The following ZNF99 variants were observed in gnomAD, a reference collection of about 807,000 sequenced individuals.
ZNF99 encodes the protein zinc finger protein 99.
A neutral mutation model predicts 12.8 loss-of-function variants in ZNF99; 8 were observed. The ratio of observed to expected loss-of-function variants is 0.62; its 90% CI spans 0.37 to 1.13. The LOEUF is 1.13. ZNF99 is among the 50% of genes most tolerant of loss of function. The pLI, the probability that ZNF99 is intolerant of heterozygous loss-of-function variation, is 0.02. For synonymous variants in ZNF99, 318 were observed against 319.0 expected, an observed-to-expected ratio of 1.00 and a Z score of 0.03; for missense variants, 1,007 against 1,006.2, an observed-to-expected ratio of 1.00 and a Z score of -0.01.
intron 1 of ZNF99, among the ~76,000 whole-genome samples, chr19:22,780,518 C>T: frequency 6.6e-6 from 1 of 151,702 alleles, no homozygotes; most frequent in East Asian, 1.9e-4. Flanking sequence ...CATGGAGAAA[C>T]CCCCGTCTCT....
At chr19:22,760,268 G>A in intron 3 of ZNF99, among the ~76,000 whole-genome samples, 1 of 152,180 alleles carries the variant, frequency 6.6e-6, no homozygotes, top group East Asian at 1.9e-4. Context: ...ACTCCAGCCA[G>A]CGTGACACAG....
rs376059510 is a variant in ZNF99, at chr19:22,756,616, C to T, written c.*698G>A. 1.4e-5 allele frequency: 23 copies of T among 1,596,928 alleles called. 3 individuals are homozygous for T. In the African/African-American group the frequency reaches 2.7e-4, roughly 19 times the overall value. ...CTTAAAAGCTTTGCCACATTCTTCACATTTGTACGGTTTCTCCCCAGTATG... is the reference window on the plus strand; with the variant it reads ...CTTAAAAGCTTTGCCACATTCTTCATATTTGTACGGTTTCTCCCCAGTATG... On this transcript the variant is annotated 3_prime_UTR_variant, in exon 4 of 4. Transcript: ENST00000596209.
rs770691108 is a variant in ZNF99 at position 22,757,725 on chromosome 19, A to G, written c.2184T>C (p.Thr728=). The G allele has an allele frequency of 1.2e-6, 2 of 1,612,360 alleles. No homozygotes were observed. The highest frequency in any genetic ancestry group is 1.7e-6 in the Non-Finnish European group (2 of 1,179,692). ...CTTCACATTTGTAGGGTTTCTCTCC[A>G]GTATGAATTATCTCATGTTTTCTAA... ...STLRKHEIIH[T]GEKPYKCEEC... is the part of the protein sequence containing the mutation. Residue 728 remains threonine, a synonymous_variant, in exon 4 of 4, where the codon ACT becomes ACC. Transcript: ENST00000596209.
Position 22,756,568 on chromosome 19 carries a change from T to C in ZNF99, c.*746A>G. On this transcript the variant is annotated 3_prime_UTR_variant, in exon 4 of 4. Coordinates refer to ENST00000596209, the MANE Select transcript of ZNF99 (RefSeq NM_001080409.3). Reference sequence around the variant, plus strand: ...TTTCTCTCCAGTATGAATTGATTTATGTTTAGTAAGGTGTGAGGATTGCTT... The same window carrying C: ...TTTCTCTCCAGTATGAATTGATTTACGTTTAGTAAGGTGTGAGGATTGCTT... 6.3e-7 allele frequency: 1 copy of C among 1,599,480 alleles called. No individual in the cohort carries two copies. The highest frequency in any genetic ancestry group is 8.5e-7 in the Non-Finnish European group (1 of 1,176,206).
In ZNF99 at chr19:22,769,846, C is replaced by T. The variant is rs916004017; in HGVS notation, c.4-522G>A. ...GAGAAAAAAAGAATGGCAGAAGATC[C>T]ACAACACCAGCACAGACAAGATACT... On this transcript the variant is annotated intron_variant, in intron 1 of 3. Coordinates refer to ENST00000596209, the MANE Select transcript of ZNF99 (RefSeq NM_001080409.3). 5 of 1,309,258 alleles carry T rather than the reference C, an allele frequency of 3.8e-6. No homozygotes were observed. The African/African-American group carries it at 7.8e-5, about 20-fold the overall frequency. The allele number at this position is 1,309,258 out of a possible 1,614,324, so 81.1% of individuals were successfully genotyped here. A position where few individuals can be genotyped will look rare whatever the true frequency, so the allele number is the denominator to read the frequency against.
intron 1 of ZNF99, among the ~76,000 whole-genome samples, chr19:22,776,042 AC>A (rs1231047436): frequency 1.3e-5 from 2 of 151,048 alleles, no homozygotes; most frequent in African/African-American, 4.9e-5. Flanking sequence ...ACAAAACATA[AC>A]AAAAACCTAG....
chr19:22,761,105 A>G (rs1360342453), intron 3 of ZNF99, among the ~76,000 whole-genome samples: 1 of 151,932 alleles, frequency 6.6e-6, no homozygotes, highest in African/African-American at 2.4e-5. Flanking sequence ...AAAAGTATAA[A>G]ATTTTTGGAA....
At chr19:22,769,093 G>A in intron 2 of ZNF99, 105 bp downstream of exon 2, 1 of 1,256,136 alleles carries the variant, frequency 8.0e-7, no homozygotes, top group East Asian at 2.9e-5. Flanking sequence ...ACGGGTATCT[G>A]AAACTTATTT....
At chr19:22,767,713 G>A (rs6511381) in intron 3 of ZNF99, among the ~76,000 whole-genome samples, 53,574 of 151,970 alleles carry the variant, frequency 0.35, 9,984 homozygotes, top group African/African-American at 0.5. Flanking sequence ...AATTCATATA[G>A]AAGATTAAGA....
In ZNF99 at chr19:22,756,769, T is replaced by C. The variant is rs527738640; in HGVS notation, c.*545A>G. On this transcript the variant is annotated 3_prime_UTR_variant, in exon 4 of 4. Transcript: ENST00000596209. ...AAGGGTTGAGGAATTGTTAAAAGCT[T>C]TGCCACATTCTTCACATTTGTAGGG... The C allele has an allele frequency of 6.2e-7, 1 of 1,612,090 alleles. No individual in the cohort carries two copies. Among genetic ancestry groups the C allele is most frequent in the Non-Finnish European group, 8.5e-7 (1 of 1,179,228 alleles).
rs8103322 is a variant in ZNF99 at position 22,753,817 on chromosome 19, T to C, written c.*3497A>G. 43 of 235,140 alleles carry C rather than the reference T, an allele frequency of 1.8e-4. No homozygotes were observed. Among genetic ancestry groups the C allele is most frequent in the African/African-American group, 9.8e-4 (43 of 43,720 alleles). The allele number at this position is 235,140 out of a possible 1,614,324, so 14.6% of individuals were successfully genotyped here. A position where few individuals can be genotyped will look rare whatever the true frequency, so the allele number is the denominator to read the frequency against. On this transcript the variant is annotated 3_prime_UTR_variant, in exon 4 of 4. Coordinates refer to ENST00000596209, the MANE Select transcript of ZNF99 (RefSeq NM_001080409.3). Reference sequence around the variant, plus strand: ...TTTTTCAAGTATAAATGCTTTCCTATGCGATAAGGTGTGAGTATTGGTTAA... The same window carrying C: ...TTTTTCAAGTATAAATGCTTTCCTACGCGATAAGGTGTGAGTATTGGTTAA...
chr19:22,756,316 T>G lies in ZNF99; in HGVS notation c.*998A>C. 6.4e-7 allele frequency: 1 copy of G among 1,567,076 alleles called. No homozygotes were observed. Among genetic ancestry groups the G allele is most frequent in the Non-Finnish European group, 8.7e-7 (1 of 1,155,742 alleles). On this transcript the variant is annotated 3_prime_UTR_variant, in exon 4 of 4. Transcript: ENST00000596209. ...AGGTTTTCCCTCCAGTATGAATTGT[T>G]TTATGTTGAGTAAGGTGTGAGGACT... is the stretch of plus-strand genomic sequence containing the variant.
rs1973123356 is a variant in ZNF99, at chr19:22,759,314, T to C, written c.595A>G (p.Asn199Asp). Residue 199 changes from asparagine (N) to aspartate (D), a missense_variant, in exon 4 of 4, where the codon AAT becomes GAT. Coordinates refer to ENST00000596209, the MANE Select transcript of ZNF99 (RefSeq NM_001080409.3). Reference protein sequence around the residue: ...IQHKRIHTRENIYKCEERGKA... With the variant: ...IQHKRIHTREDIYKCEERGKA... ...CCACGTTCTTCACATTTGTAGATAT[T>C]CTCTCTAGTATGAATTCTCTTATGT... 3 of 1,549,248 alleles carry C rather than the reference T, an allele frequency of 1.9e-6. No homozygotes were observed. The South Asian group carries it at 3.6e-5, about 18-fold the overall frequency.
Position 22,755,117 on chromosome 19 carries a change from C to A in ZNF99, c.*2197G>T. The A allele has an allele frequency of 5.5e-6, 1 of 183,060 alleles. No individual in the cohort carries two copies. Among genetic ancestry groups the A allele is most frequent in the Admixed American group, 5.7e-5 (1 of 17,534 alleles). The allele number at this position is 183,060 out of a possible 1,614,324, so 11.3% of individuals were successfully genotyped here. ...ATTGAAGAATGCTTATGGCATTATT[C>A]ACATTTGTAGGGTTTCTCTCCCATT... On this transcript the variant is annotated 3_prime_UTR_variant, in exon 4 of 4. Coordinates refer to ENST00000596209, the MANE Select transcript of ZNF99 (RefSeq NM_001080409.3).
chr19:22,757,271 T>C lies in ZNF99; in HGVS notation c.*43A>G. ...AAGGGTTGAGGAATTGTTAAAAGCT[T>C]TGCCACATTCTTCACATTTGTAGGG... On this transcript the variant is annotated 3_prime_UTR_variant, in exon 4 of 4. Coordinates refer to ENST00000596209, the MANE Select transcript of ZNF99 (RefSeq NM_001080409.3). The C allele has an allele frequency of 1.2e-6, 2 of 1,611,380 alleles. No individual in the cohort carries two copies. The highest frequency in any genetic ancestry group is 1.7e-6 in the Non-Finnish European group (2 of 1,178,378).
In ZNF99 at chr19:22,754,334, T is replaced by C. The variant is rs1405619887; in HGVS notation, c.*2980A>G. 1 of 428,108 alleles carries C rather than the reference T, an allele frequency of 2.3e-6. No individual in the cohort carries two copies. Among genetic ancestry groups the C allele is most frequent in the Non-Finnish European group, 4.6e-6 (1 of 216,716 alleles). The allele number at this position is 428,108 out of a possible 1,614,324, so 26.5% of individuals were successfully genotyped here. On this transcript the variant is annotated 3_prime_UTR_variant, in exon 4 of 4. Coordinates refer to ENST00000596209, the MANE Select transcript of ZNF99 (RefSeq NM_001080409.3). ...ATGAACTGAGATTGCACCATTGCAC[T>C]CCAATTTGGGCGACAGAGTGAGACT... is the stretch of plus-strand genomic sequence containing the variant.
intron 1 of ZNF99, among the ~76,000 whole-genome samples, chr19:22,777,739 G>T (rs1354216086): frequency 6.6e-6 from 1 of 152,058 alleles, no homozygotes; most frequent in Non-Finnish European, 1.5e-5. Context: ...CTGGGGTTGG[G>T]ATATGCCAGG....
rs759313339 is a variant in ZNF99 at position 22,758,182 on chromosome 19, T to G, written c.1727A>C (p.Gln576Pro). Reference sequence around the variant, plus strand: ...TTTATGTCTAGTAAGATGTGAAGATTGCTTAAAAGCTTTGCCACATTCTTC... The same window carrying G: ...TTTATGTCTAGTAAGATGTGAAGATGGCTTAAAAGCTTTGCCACATTCTTC... ...KCEECGKAFK[Q>P]SSHLTRHKAI... The change falls in exon 4 of 4, where the codon CAA (glutamine) becomes CCA (proline). Residue 576 changes from glutamine (Q) to proline (P), a missense_variant. Physicochemically the swap from Gln to Pro is moderately conservative, Grantham distance 76. Coordinates refer to ENST00000596209, the MANE Select transcript of ZNF99 (RefSeq NM_001080409.3). 6.2e-7 allele frequency: 1 copy of G among 1,613,552 alleles called. No homozygotes were observed. The highest frequency in any genetic ancestry group is 1.1e-5 in the South Asian group (1 of 91,026).
intron 3 of ZNF99, among the ~76,000 whole-genome samples, chr19:22,760,777 C>G (rs926583947): frequency 6.6e-6 from 1 of 150,960 alleles, no homozygotes; most frequent in African/African-American, 2.4e-5. Flanking sequence ...AAAATGGCAG[C>G]TTGAATCTGC....
Sources: gnomAD v4.1 joint callset for allele counts (sites outside exome capture counted in the v4.1 genomes callset) on GRCh38, gnomAD v4.1.1 for gene constraint, MANE v1.5 for transcripts, NCBI Gene and HGNC (gene_info 2026-07-23, HGNC 2026-07-21) for gene names.